Variants in ZBTB20 observed in about 807,000 individuals in gnomAD.
ZBTB20 encodes zinc finger and BTB domain-containing protein 20.
Under a neutral mutation model 56.9 loss-of-function variants are expected in ZBTB20, and 9 were observed. The ratio of observed to expected loss-of-function variants is 0.16; its 90% CI spans 0.10 to 0.28. The LOEUF is 0.28. ZBTB20 is among the 10% of genes least tolerant of loss of function. The pLI, the probability that ZBTB20 is intolerant of heterozygous loss-of-function variation, is 1.00. For synonymous variants in ZBTB20, 417 were observed against 420.7 expected (o/e 0.99, Z 0.11); for missense variants, 655 against 1,003.0 (o/e 0.65, Z 4.69).
At chr3:114,989,644 C>A (rs1354434498) in intron 2 of ZBTB20, among the ~76,000 whole-genome samples, 1 of 152,106 alleles carries the variant, frequency 6.6e-6, no homozygotes, top group African/African-American at 2.4e-5. Context: ...TGAAGAAAGT[C>A]ATTGGTAACT....
chr3:114,750,927 G>T (rs1217897457), intron 5 of ZBTB20, among the ~76,000 whole-genome samples: 1 of 152,100 alleles, frequency 6.6e-6, no homozygotes, highest in East Asian at 1.9e-4. Context: ...GACCATTTCA[G>T]TAAGATATCC....
At position 114,351,578 on chromosome 3, in the gene ZBTB20, T is replaced by C. The variant is rs1197516184; in HGVS notation, c.500A>G (p.Gln167Arg). ...FMYSGVLRVS[Q>R]SEALQILTAA... ...CGTGAGGATCTGCAGAGCTTCCGAC[T>C]GCGAGACCCGTAGCACGCCGCTGTA... Residue 167 changes from glutamine to arginine, a missense_variant, in exon 11 of 12, where the codon CAG becomes CGG. Physicochemically the swap from Gln to Arg is conservative, Grantham distance 43. Coordinates refer to ENST00000675478, the MANE Select transcript of ZBTB20 (RefSeq NM_001348800.3). 1.9e-6 allele frequency: 3 copies of C among 1,613,984 alleles called. No individual in the cohort carries two copies. The highest frequency in any genetic ancestry group is 1.3e-5 in the African/African-American group (1 of 74,918).
At chr3:114,731,733 GGCTGTACCTAGATTAGTAACTAAC>G (rs2065765678) in intron 5 of ZBTB20, among the ~76,000 whole-genome samples, 1 of 151,632 alleles carries the variant, frequency 6.6e-6, no homozygotes, top group African/African-American at 2.4e-5. Context: ...TAACTAACCC[GGCTGTACCTAGATTAGTAACTAAC>G]CCGGCTGTAC....
chr3:114,732,585 C>A (rs1385769139), intron 5 of ZBTB20, among the ~76,000 whole-genome samples: 2 of 152,172 alleles, frequency 1.3e-5, no homozygotes, highest in African/African-American at 4.8e-5. Flanking sequence ...ACATCCTTTT[C>A]CTATTCATTC....
At chr3:115,045,209 T>C (rs929041782) in intron 2 of ZBTB20, among the ~76,000 whole-genome samples, 3 of 152,184 alleles carry the variant, frequency 2.0e-5, no homozygotes, top group African/African-American at 7.2e-5. Context: ...ATTAGTCATA[T>C]TGAACATTCT....
intron 1 of ZBTB20, among the ~76,000 whole-genome samples, chr3:115,103,215 C>CAT (rs2083631567): frequency 6.6e-6 from 1 of 152,100 alleles, no homozygotes; most frequent in African/African-American, 2.4e-5. Flanking sequence ...GTTGATATGT[C>CAT]ATGGGGCAAT....
At chr3:115,101,888 T>A in intron 1 of ZBTB20, among the ~76,000 whole-genome samples, 1 of 152,136 alleles carries the variant, frequency 6.6e-6, no homozygotes, top group East Asian at 1.9e-4. Context: ...TTCTTTTGTT[T>A]AAAAAAAATC....
intron 1 of ZBTB20, among the ~76,000 whole-genome samples, chr3:115,134,431 G>A (rs988944469): frequency 6.6e-6 from 1 of 151,852 alleles, no homozygotes; most frequent in Non-Finnish European, 1.5e-5. Context: ...ATGTCCCACT[G>A]TAATTCCTAT....
chr3:114,961,803 T>C (rs2077463190), intron 3 of ZBTB20, among the ~76,000 whole-genome samples: 1 of 152,100 alleles, frequency 6.6e-6, no homozygotes, highest in Admixed American at 6.6e-5. Context: ...CTAAAGGTAA[T>C]ATAGAGCAGA....
At chr3:114,535,801 A>G (rs948648153) in intron 6 of ZBTB20, among the ~76,000 whole-genome samples, 4 of 152,222 alleles carry the variant, frequency 2.6e-5, no homozygotes, top group Non-Finnish European at 5.9e-5. Flanking sequence ...ACCACGATCA[A>G]GTTGGCTTCA....
Position 114,350,632 on chromosome 3 carries a change from G to C in ZBTB20, c.1446C>G (p.Thr482=), listed in dbSNP as rs754743360. Residue 482 remains threonine (T), a synonymous_variant, in exon 11 of 12, where the codon ACC becomes ACG. Coordinates refer to ENST00000675478, the MANE Select transcript of ZBTB20 (RefSeq NM_001348800.3). ...GAGGCATCCTCAGGTTGCTGGTGAG[G>C]GTTTCTGTCTGGCGTAAGTAGAGCT... The part of the protein sequence containing the change: ...STQLYLRQTE[T]LTSNLRMPLT... The C allele has an allele frequency of 6.0e-5, 97 of 1,614,084 alleles. No homozygotes were observed. The highest frequency in any genetic ancestry group is 8.1e-5 in the Non-Finnish European group (95 of 1,180,052).
intron 5 of ZBTB20, among the ~76,000 whole-genome samples, chr3:114,795,199 G>C (rs2071258720): frequency 2.0e-5 from 3 of 151,986 alleles, no homozygotes; most frequent in Admixed American, 2.0e-4. Flanking sequence ...CAAACTCAGA[G>C]GTAAACCTTC....
At chr3:114,389,757 C>T (rs1403006218) in intron 7 of ZBTB20, among the ~76,000 whole-genome samples, 9 of 151,656 alleles carry the variant, frequency 5.9e-5, no homozygotes, top group Admixed American at 1.3e-4. Flanking sequence ...GGCGTGATGG[C>T]GCACGCCTGT....
chr3:114,439,397 T>A (rs1331235805), intron 7 of ZBTB20, among the ~76,000 whole-genome samples: 3 of 152,072 alleles, frequency 2.0e-5, no homozygotes, highest in African/African-American at 4.8e-5. Context: ...TAGCAGAAAC[T>A]CCCTCATTTC....
intron 3 of ZBTB20, among the ~76,000 whole-genome samples, chr3:114,973,060 G>C (rs1335709602): frequency 6.6e-6 from 1 of 152,178 alleles, no homozygotes; most frequent in Non-Finnish European, 1.5e-5. Flanking sequence ...AGAAATTACT[G>C]AAAATTATAT....
intron 2 of ZBTB20, among the ~76,000 whole-genome samples, chr3:115,050,054 A>C (rs2081485437): frequency 6.6e-6 from 1 of 152,076 alleles, no homozygotes; most frequent in South Asian, 2.1e-4. Flanking sequence ...TGTTGAAAAA[A>C]ATTCCCCTAG....
In ZBTB20 at chr3:114,486,142, G is replaced by C. The variant is rs1449707606; in HGVS notation, c.-255+14210C>G. Among the ~76,000 whole-genome samples the C allele has an allele frequency of 1.7e-4, 20 of 116,066 alleles. 6 individuals are homozygous for C. Among genetic ancestry groups the C allele is most frequent in the African/African-American group, 6.1e-4 (19 of 30,910 alleles). The allele number at this position is 116,066 out of a possible 152,430, so 76.1% of individuals were successfully genotyped here. A position where few individuals can be genotyped will look rare whatever the true frequency, so the allele number is the denominator to read the frequency against. ...AGAGTGTGTGTGTGTGTGTGTGGGG[G>C]GGGGGGGCGGTGTATGAATTCCTGT... is the stretch of plus-strand genomic sequence containing the variant. On this transcript the variant is annotated intron_variant, in intron 7 of 11. Transcript: ENST00000675478.
intron 2 of ZBTB20, among the ~76,000 whole-genome samples, chr3:114,976,807 G>T (rs1038935681): frequency 6.6e-6 from 1 of 151,906 alleles, no homozygotes; most frequent in African/African-American, 2.4e-5. Flanking sequence ...GGCATTTACT[G>T]TTATTTTCCT....
intron 7 of ZBTB20, among the ~76,000 whole-genome samples, chr3:114,468,483 A>G (rs1461229461): frequency 1.3e-5 from 2 of 152,140 alleles, no homozygotes; most frequent in Non-Finnish European, 2.9e-5. Context: ...TTCTATATGT[A>G]TGAATATTCT....
Sources: allele counts gnomAD v4.1 joint callset (sites outside exome capture counted in the v4.1 genomes callset), GRCh38; gene constraint gnomAD v4.1.1; transcripts MANE v1.5; gene names NCBI Gene and HGNC (gene_info 2026-07-23, HGNC 2026-07-21).